DACH1: variants seen among roughly 807,000 people sequenced by gnomAD.
The protein encoded by DACH1 is dachshund family transcription factor 1.
Under a neutral mutation model 54.2 loss-of-function variants are expected in DACH1, and 12 were observed. The observed-to-expected ratio is 0.22, with a 90% CI of 0.14 to 0.36. The LOEUF (loss-of-function observed/expected upper bound fraction) is 0.36. Among genes scored for constraint, DACH1 ranks in the 10% least tolerant of loss-of-function variants. The pLI, the probability that DACH1 is intolerant of heterozygous loss-of-function variation, is 1.00. For missense variants in DACH1, 805 were observed against 929.8 expected (o/e 0.87, Z 1.75); for synonymous variants, 386 against 366.2 (o/e 1.05, Z -0.62).
chr13:71,489,294 C>A (rs571352395), intron 6 of DACH1, 146 bp from the exon 7 acceptor site: 3 of 868,454 alleles, frequency 3.5e-6, no homozygotes, highest in South Asian at 3.7e-5. Flanking sequence ...GCTGAATTTT[C>A]TTTAATGAAA....
rs371590387 is a variant in DACH1, at chr13:71,529,143, T to C, written c.1570+27881A>G. On this transcript the variant is annotated intron_variant, in intron 6 of 10. Coordinates refer to ENST00000613252, the MANE Select transcript of DACH1 (RefSeq NM_080759.6). ...AGAAGTTGTATTAATGTTACTGTTA[T>C]GTGATTTCACATAGTACATCAAACA... Among the ~76,000 whole-genome samples, 48 of 151,732 alleles carry C rather than the reference T, an allele frequency of 3.2e-4. No homozygotes were observed. In the East Asian group the frequency reaches 4.7e-3, roughly 15 times the overall value.
At chr13:71,853,172 T>C (rs1873780186) in intron 1 of DACH1, among the ~76,000 whole-genome samples, 1 of 152,230 alleles carries the variant, frequency 6.6e-6, no homozygotes, top group Non-Finnish European at 1.5e-5. Flanking sequence ...TAGACATTGC[T>C]AAACCAAGAC....
At chr13:71,677,169 G>T (rs1880622739) in intron 2 of DACH1, among the ~76,000 whole-genome samples, 1 of 152,156 alleles carries the variant, frequency 6.6e-6, no homozygotes, top group Non-Finnish European at 1.5e-5. Context: ...ATTTTAAATA[G>T]ACGTCATCTT....
chr13:71,735,853 G>C (rs952146782), intron 1 of DACH1, among the ~76,000 whole-genome samples: 3 of 151,970 alleles, frequency 2.0e-5, no homozygotes, highest in Non-Finnish European at 4.4e-5. Context: ...TAACACAACA[G>C]AGTAGAAATT....
At chr13:71,586,688 T>C (rs1873304248) in intron 3 of DACH1, among the ~76,000 whole-genome samples, 2 of 151,996 alleles carry the variant, frequency 1.3e-5, no homozygotes, top group South Asian at 2.1e-4. Flanking sequence ...CTATAGGGAA[T>C]TGCATACCTA....
intron 6 of DACH1, among the ~76,000 whole-genome samples, chr13:71,522,824 CT>C (rs1881700935): frequency 2.0e-5 from 3 of 152,022 alleles, no homozygotes; most frequent in Non-Finnish European, 4.4e-5. Context: ...TACTATTTCG[CT>C]TTTTGATGAA....
At chr13:71,622,991 A>G (rs1350436656) in intron 3 of DACH1, among the ~76,000 whole-genome samples, 1 of 151,800 alleles carries the variant, frequency 6.6e-6, no homozygotes, top group Admixed American at 6.6e-5. Flanking sequence ...ATTCAAAAAT[A>G]AAAATATTTT....
At chr13:71,490,449 C>A (rs1489622858) in intron 6 of DACH1, among the ~76,000 whole-genome samples, 2 of 152,144 alleles carry the variant, frequency 1.3e-5, no homozygotes, top group Non-Finnish European at 2.9e-5. Flanking sequence ...GGAGTAACGG[C>A]CAGAAGGCCT....
chr13:71,696,762 A>T, intron 1 of DACH1, among the ~76,000 whole-genome samples: 1 of 151,982 alleles, frequency 6.6e-6, no homozygotes, highest in East Asian at 1.9e-4. Context: ...GGTCAGGCTG[A>T]TCTCGAACTC....
Position 71,866,430 on chromosome 13 carries a change from C to T in DACH1, c.340G>A (p.Gly114Ser), listed in dbSNP as rs534607794. Residue 114 changes from glycine (G) to serine (S), a missense_variant, in exon 1 of 11, where the codon GGC (glycine) becomes AGC (serine). By Grantham distance (56) the Gly-to-Ser change is moderately conservative. This residue lies in a region of DACH1 where 305 missense variants were observed against 308.7 expected (regional missense o/e 0.99). Coordinates refer to ENST00000613252, the MANE Select transcript of DACH1 (RefSeq NM_080759.6). ...ATGCCGCCGCCGCCGCCGCCGCTGC[C>T]GTTGCTCGCGGCCGCCAGGTTGGGG... is the stretch of plus-strand genomic sequence containing the variant. ...CNPNLAAASN[G>S]SGGGGGGISA... The T allele has an allele frequency of 7.4e-4, 1,039 of 1,402,552 alleles. 3 individuals carry two copies. The African/African-American group carries it at 0.014, about 19-fold the overall frequency. 86.9% of individuals were successfully genotyped at this position (1,402,552 alleles called of 1,614,324 possible).
At chr13:71,651,692 A>C (rs201771248) in intron 2 of DACH1, among the ~76,000 whole-genome samples, 207 of 128,024 alleles carry the variant, frequency 1.6e-3, no homozygotes, top group Middle Eastern at 4.5e-3. Context: ...GTATATGTAT[A>C]TGTATATGTA....
intron 10 of DACH1, among the ~76,000 whole-genome samples, chr13:71,459,523 C>T (rs1032024356): frequency 3.3e-5 from 5 of 151,730 alleles, no homozygotes; most frequent in African/African-American, 1.2e-4. Context: ...TATGGGATGT[C>T]TTTATATTTT....
intron 1 of DACH1, among the ~76,000 whole-genome samples, chr13:71,834,369 C>T (rs1338349300): frequency 6.6e-6 from 1 of 151,884 alleles, no homozygotes; most frequent in Non-Finnish European, 1.5e-5. Context: ...AAATGGAAAA[C>T]GTGATTAGAA....
chr13:71,615,722 T>A (rs989703141), intron 3 of DACH1, among the ~76,000 whole-genome samples: 1 of 152,114 alleles, frequency 6.6e-6, no homozygotes, highest in African/African-American at 2.4e-5. Flanking sequence ...AAGAAATGAA[T>A]GTTGAGGGCA....
At chr13:71,693,334 G>A (rs1180803112) in intron 1 of DACH1, among the ~76,000 whole-genome samples, 10 of 116,186 alleles carry the variant, frequency 8.6e-5, no homozygotes, top group South Asian at 2.7e-4. Context: ...CAAGAGTCTC[G>A]CTCTGTCGCC....
At chr13:71,506,340 T>A (rs1247402936) in intron 6 of DACH1, among the ~76,000 whole-genome samples, 2 of 134,738 alleles carry the variant, frequency 1.5e-5, no homozygotes, top group East Asian at 4.6e-4. Flanking sequence ...CCTGTGTCCA[T>A]GTGATCTCAT....
chr13:71,534,477 A>G (rs1019133134), intron 6 of DACH1, among the ~76,000 whole-genome samples: 2 of 151,872 alleles, frequency 1.3e-5, no homozygotes. Flanking sequence ...AAGTAAAAAC[A>G]TATTGATCAT....
intron 4 of DACH1, among the ~76,000 whole-genome samples, chr13:71,560,600 C>T (rs1034643761): frequency 2.6e-5 from 4 of 152,134 alleles, no homozygotes; most frequent in African/African-American, 9.7e-5. Flanking sequence ...AAATATATAT[C>T]AATCATGTCC....
chr13:71,526,610 A>G (rs1881978436), intron 6 of DACH1, among the ~76,000 whole-genome samples: 2 of 151,952 alleles, frequency 1.3e-5, no homozygotes. Context: ...GTATATAATA[A>G]GCACTATATA....
Sources: gnomAD v4.1 joint callset for allele counts (sites outside exome capture counted in the v4.1 genomes callset) on GRCh38, gnomAD v4.1.1 for gene constraint, gnomAD v4.1.1 regional missense constraint, MANE v1.5 for transcripts, NCBI Gene and HGNC (gene_info 2026-07-23, HGNC 2026-07-21) for gene names.